CALN1: variants seen among roughly 807,000 people sequenced by gnomAD.
The protein encoded by CALN1 is calneuron 1.
A neutral mutation model predicts 30.6 loss-of-function variants in CALN1; 17 were observed. The observed-to-expected ratio is 0.56, with a 90% confidence interval of 0.38 to 0.83. The LOEUF is 0.83. Among genes scored for constraint, CALN1 ranks in the 40% least tolerant of loss-of-function variants. The pLI is 0.00. For missense variants in CALN1, 291 were observed against 354.9 expected, an observed-to-expected ratio of 0.82 and a Z score of 1.45; for synonymous variants, 156 against 131.4, an observed-to-expected ratio of 1.19 and a Z score of -1.28.
intron 2 of CALN1, among the ~76,000 whole-genome samples, chr7:72,338,527 G>GTC (rs58987647): frequency 9.0e-5 from 13 of 144,582 alleles, no homozygotes; most frequent in South Asian, 8.7e-4. Flanking sequence ...GTGTGTGTGT[G>GTC]TCTCACCTGG....
intron 4 of CALN1, among the ~76,000 whole-genome samples, chr7:72,034,298 G>A (rs1419020781): frequency 8.1e-5 from 12 of 148,792 alleles, no homozygotes; most frequent in Non-Finnish European, 1.3e-4. Context: ...AGCTTGCAGT[G>A]AGCCGAGATT....
At chr7:71,986,605 G>T (rs1348879182) in intron 5 of CALN1, among the ~76,000 whole-genome samples, 1 of 152,164 alleles carries the variant, frequency 6.6e-6, no homozygotes, top group Non-Finnish European at 1.5e-5. Context: ...ACAGAAAAAT[G>T]TGGTTAGAAA....
At chr7:72,315,252 G>GCTA in intron 2 of CALN1, among the ~76,000 whole-genome samples, 1 of 150,380 alleles carries the variant, frequency 6.6e-6, no homozygotes, top group East Asian at 1.9e-4. Context: ...TGTAATAAAG[G>GCTA]CTACTATTCT....
At chr7:72,107,175 G>C (rs1807235004) in intron 3 of CALN1, among the ~76,000 whole-genome samples, 1 of 152,120 alleles carries the variant, frequency 6.6e-6, no homozygotes, top group South Asian at 2.1e-4. Flanking sequence ...TGAGGATTTG[G>C]TTTCAGCTGT....
At chr7:71,983,266 C>T (rs572662992) in intron 5 of CALN1, among the ~76,000 whole-genome samples, 4 of 152,294 alleles carry the variant, frequency 2.6e-5, no homozygotes, top group South Asian at 2.1e-4. Context: ...TTGATTTCCT[C>T]GGCATGAGGC....
At chr7:72,334,727 T>C (rs966039120) in intron 2 of CALN1, among the ~76,000 whole-genome samples, 1 of 152,276 alleles carries the variant, frequency 6.6e-6, no homozygotes, top group Admixed American at 6.5e-5. Flanking sequence ...TAAGAGGATT[T>C]AGCTCTCCTC....
At chr7:72,120,747 C>G (rs1808317204) in intron 3 of CALN1, among the ~76,000 whole-genome samples, 2 of 152,130 alleles carry the variant, frequency 1.3e-5, no homozygotes, top group Admixed American at 1.3e-4. Flanking sequence ...TCTTGACGTT[C>G]AAGATCCAGA....
chr7:72,240,257 T>A (rs1794743144), intron 3 of CALN1, among the ~76,000 whole-genome samples: 2 of 150,986 alleles, frequency 1.3e-5, no homozygotes, highest in African/African-American at 2.4e-5. Context: ...CGCAGTAGAG[T>A]GATCATAGCT....
chr7:72,120,188 A>G (rs1020169923), intron 3 of CALN1, among the ~76,000 whole-genome samples: 2 of 151,668 alleles, frequency 1.3e-5, no homozygotes, highest in Non-Finnish European at 2.9e-5. Context: ...ATGTATATAG[A>G]AAAAAAAATT....
At chr7:71,840,282 T>G (rs1256998064) in intron 5 of CALN1, among the ~76,000 whole-genome samples, 1 of 151,940 alleles carries the variant, frequency 6.6e-6, no homozygotes, top group Non-Finnish European at 1.5e-5. Flanking sequence ...GAGCTATGGC[T>G]GCATCATAGC....
At chr7:71,874,279 T>TTAA (rs748404978) in intron 5 of CALN1, among the ~76,000 whole-genome samples, 2 of 97,650 alleles carry the variant, frequency 2.0e-5, no homozygotes, top group African/African-American at 8.1e-5. Flanking sequence ...TCTCAAACAT[T>TTAA]AAAAAAAAAA....
chr7:72,393,087 T>C (rs1805681368), intron 2 of CALN1, among the ~76,000 whole-genome samples: 1 of 152,010 alleles, frequency 6.6e-6, no homozygotes, highest in Non-Finnish European at 1.5e-5. Context: ...AAAGGGTTTC[T>C]AATGAAGGAC....
At chr7:71,953,298 C>T (rs1185048520) in intron 5 of CALN1, among the ~76,000 whole-genome samples, 1 of 152,104 alleles carries the variant, frequency 6.6e-6, no homozygotes, top group East Asian at 1.9e-4. Flanking sequence ...GTGCCCACGG[C>T]TTCTCTCCTC....
At chr7:71,944,594 C>CAAAAAAAAAAAAAAAAAAAAAAAAA (rs10677940) in intron 5 of CALN1, among the ~76,000 whole-genome samples, 1 of 60,002 alleles carries the variant, frequency 1.7e-5, no homozygotes, top group Non-Finnish European at 2.9e-5. Flanking sequence ...AACTCCATCC[C>CAAAAAAAAAAAAAAAAAAAAAAAAA]AAAAAAAAAA....
intron 3 of CALN1, among the ~76,000 whole-genome samples, chr7:72,147,580 C>G (rs1786857514): frequency 6.6e-6 from 1 of 151,752 alleles, no homozygotes. Flanking sequence ...CCATTTGACC[C>G]AGCTATCCCA....
At chr7:72,228,937 T>TG (rs1432417260) in intron 3 of CALN1, among the ~76,000 whole-genome samples, 1 of 150,924 alleles carries the variant, frequency 6.6e-6, no homozygotes, top group Non-Finnish European at 1.5e-5. Context: ...ATTTTTTTTT[T>TG]TTTTGTAGAG....
At position 71,786,955 on chromosome 7, in the gene CALN1, CA is replaced by C. The variant is rs1420780924; in HGVS notation, c.*819del. ...AGAATGACATCACACACGAAGAAGC[CA>C]AATATATATATCTGTCTATGTTATA... On this transcript the variant is annotated 3_prime_UTR_variant, in exon 7 of 7. Coordinates refer to ENST00000395275, the MANE Select transcript of CALN1 (RefSeq NM_031468.4). The C allele has an allele frequency of 3.9e-5, 6 of 152,560 alleles. No individual in the cohort carries two copies. Among genetic ancestry groups the C allele is most frequent in the Non-Finnish European group, 7.3e-5 (5 of 68,040 alleles). The allele number at this position is 152,560 out of a possible 1,614,324, so 9.5% of individuals were successfully genotyped here. A position where few individuals can be genotyped will look rare whatever the true frequency, so the allele number is the denominator to read the frequency against.
intron 5 of CALN1, among the ~76,000 whole-genome samples, chr7:71,832,862 T>A (rs1246149179): frequency 1.3e-5 from 2 of 151,806 alleles, no homozygotes; most frequent in African/African-American, 2.4e-5. Flanking sequence ...CGCATTGGCC[T>A]CCCAAAGTGC....
intron 5 of CALN1, among the ~76,000 whole-genome samples, chr7:72,013,037 A>C (rs528489237): frequency 6.6e-6 from 1 of 152,144 alleles, no homozygotes; most frequent in East Asian, 1.9e-4. Context: ...ACCTCAGGTG[A>C]TCCACCTGCC....
Sources: allele counts gnomAD v4.1 joint callset (sites outside exome capture counted in the v4.1 genomes callset), GRCh38; gene constraint gnomAD v4.1.1; transcripts MANE v1.5; gene names NCBI Gene and HGNC (gene_info 2026-07-23, HGNC 2026-07-21).